Variants in DIP2C observed in about 807,000 individuals in gnomAD.
The protein encoded by DIP2C is DIP2 acetate--CoA ligase C (putative).
A neutral mutation model predicts 192.4 loss-of-function variants in DIP2C; 33 were observed. The observed-to-expected ratio is 0.17, with a 90% CI of 0.13 to 0.23. The LOEUF (loss-of-function observed/expected upper bound fraction) is 0.23. Ranked by LOEUF, DIP2C falls within the 10% of genes least tolerant of loss-of-function variation. The pLI is 1.00. For missense variants in DIP2C, 1,537 were observed against 2,110.1 expected (o/e 0.73, Z 5.32); for synonymous variants, 979 against 864.1 (o/e 1.13, Z -2.33).
At chr10:548,359 C>CCA (rs1848409215) in intron 1 of DIP2C, among the ~76,000 whole-genome samples, 1 of 151,444 alleles carries the variant, frequency 6.6e-6, no homozygotes, top group Non-Finnish European at 1.5e-5. Flanking sequence ...GCCCCGAGAC[C>CCA]CACTCAGGAG....
At chr10:517,002 G>A (rs1279189300) in intron 1 of DIP2C, among the ~76,000 whole-genome samples, 1 of 151,702 alleles carries the variant, frequency 6.6e-6, no homozygotes, top group African/African-American at 2.4e-5. Flanking sequence ...TACCAACTCA[G>A]GCCCATCAGG....
In DIP2C at chr10:484,829, G is replaced by A. The variant is rs1206348837; in HGVS notation, c.157+1630C>T. 12 of 1,611,038 alleles carry A rather than the reference G, an allele frequency of 7.4e-6. No homozygotes were observed. In the East Asian group the frequency reaches 1.3e-4, roughly 18 times the overall value. On this transcript the variant is annotated intron_variant, in intron 2 of 36. Coordinates refer to ENST00000280886, the MANE Select transcript of DIP2C (RefSeq NM_014974.3). ...CGGTTCCCTGCGGTGCTGGCCACCC[G>A]CTCCCGAGCCGCAGCTTCTCGGACG...
At chr10:477,676 A>G (rs1254203155) in intron 2 of DIP2C, among the ~76,000 whole-genome samples, 2 of 142,858 alleles carry the variant, frequency 1.4e-5, no homozygotes, top group Non-Finnish European at 3.1e-5. Flanking sequence ...AGTGGTGAAT[A>G]GATAGGAGGA....
chr10:319,272 TTGTG>T (rs1243509081), intron 31 of DIP2C, among the ~76,000 whole-genome samples: 1 of 152,210 alleles, frequency 6.6e-6, no homozygotes, highest in Non-Finnish European at 1.5e-5. Flanking sequence ...TTCTCTTTCA[TTGTG>T]TGAGTTTCAA....
chr10:590,866 C>T (rs1415511247), intron 1 of DIP2C, among the ~76,000 whole-genome samples: 1 of 152,196 alleles, frequency 6.6e-6, no homozygotes, highest in African/African-American at 2.4e-5. Context: ...CGCCTCCCTC[C>T]AGCAGGAGTC....
chr10:501,226 A>G (rs537232657), intron 1 of DIP2C, among the ~76,000 whole-genome samples: 2 of 152,340 alleles, frequency 1.3e-5, no homozygotes, highest in South Asian at 4.1e-4. Context: ...TTCACTAGCT[A>G]TTTAAATAAT....
At chr10:622,592 G>A (rs1204604116) in intron 1 of DIP2C, among the ~76,000 whole-genome samples, 1 of 152,160 alleles carries the variant, frequency 6.6e-6, no homozygotes, top group East Asian at 1.9e-4. Flanking sequence ...TCAGGGACCT[G>A]GACCTAAAGC....
In DIP2C at chr10:651,310, C is replaced by T. The variant is rs771493167; in HGVS notation, c.85+38184G>A. 4.2e-5 allele frequency: 30 copies of T among 707,650 alleles called. No individual in the cohort carries two copies. Among genetic ancestry groups the T allele is most frequent in the South Asian group, 3.1e-4 (21 of 67,116 alleles). 43.8% of individuals were successfully genotyped at this position (707,650 alleles called of 1,614,324 possible). ...GACTCCTTACAAGCAGAGCCACCAA[C>T]GTGGACACGATCCCATCAGGAACCA... On this transcript the variant is annotated intron_variant, in intron 1 of 36. Transcript: ENST00000280886. The surrounding 1 kb of genome is among the most constrained non-coding windows in gnomAD (Gnocchi z 4.1).
intron 32 of DIP2C, among the ~76,000 whole-genome samples, chr10:296,684 T>G (rs1589414177): frequency 6.6e-6 from 1 of 152,008 alleles, no homozygotes; most frequent in East Asian, 1.9e-4. Flanking sequence ...GTGGCACATA[T>G]ACACCATGGA....
chr10:539,546 T>C (rs1433522066), intron 1 of DIP2C, among the ~76,000 whole-genome samples: 1 of 152,150 alleles, frequency 6.6e-6, no homozygotes, highest in African/African-American at 2.4e-5. Context: ...CCCACCCCCA[T>C]GGGCACTGTG....
chr10:680,387 G>A (rs569203121), intron 1 of DIP2C, among the ~76,000 whole-genome samples: 29 of 152,252 alleles, frequency 1.9e-4, no homozygotes, highest in African/African-American at 5.1e-4. Flanking sequence ...TGGCAGGCTC[G>A]GCAGCTGCTC....
At chr10:603,544 G>C (rs1056662489) in intron 1 of DIP2C, among the ~76,000 whole-genome samples, 16 of 152,024 alleles carry the variant, frequency 1.1e-4, no homozygotes, top group Admixed American at 6.5e-4. Flanking sequence ...TACTGTGATC[G>C]AAATCTAACT....
intron 1 of DIP2C, chr10:667,472 C>T (rs1857165777): frequency 6.6e-6 from 1 of 152,408 alleles, no homozygotes; most frequent in Non-Finnish European, 1.5e-5. Context: ...AACGCACACA[C>T]TGACAACATG....
Position 348,658 on chromosome 10 carries a change from C to CG in DIP2C, c.3213dup (p.Val1072ArgfsTer21). ...CATGTTACCTCCACAATCATCTTGACGGTAGGCAACGTCGTCGCGATGTTC... is the reference window on the plus strand; with the variant it reads ...CATGTTACCTCCACAATCATCTTGACGGGTAGGCAACGTCGTCGCGATGTTC... On this transcript the variant is annotated frameshift_variant, in exon 26 of 37. Coordinates refer to ENST00000280886, the MANE Select transcript of DIP2C (RefSeq NM_014974.3). LOFTEE classifies it high-confidence loss of function. 6.2e-7 allele frequency: 1 copy of CG among 1,613,426 alleles called. No individual in the cohort carries two copies. The highest frequency in any genetic ancestry group is 8.5e-7 in the Non-Finnish European group (1 of 1,179,828).
chr10:372,029 CCAAAAACGTATGTTTTATTGTCTCAATCA>C (rs1178177358), intron 17 of DIP2C, among the ~76,000 whole-genome samples: 4 of 151,834 alleles, frequency 2.6e-5, no homozygotes, highest in Non-Finnish European at 5.9e-5. Flanking sequence ...ATCTCAGGGC[CCAAAAACGTATGTTTTATTGTCTCAATCA>C]CAAAAACCCC....
intron 1 of DIP2C, among the ~76,000 whole-genome samples, chr10:536,863 G>A (rs1847724002): frequency 1.3e-5 from 2 of 152,218 alleles, no homozygotes; most frequent in African/African-American, 4.8e-5. Context: ...TGACCCCCCA[G>A]TTCTGTGTTC....
chr10:396,832 G>GC (rs1191799781), intron 10 of DIP2C, among the ~76,000 whole-genome samples: 1 of 64,234 alleles, frequency 1.6e-5, no homozygotes, highest in Non-Finnish European at 4.6e-5. Context: ...CCGGTGGGGG[G>GC]GGGGGAAACT....
At chr10:340,769 G>A (rs758902506) in intron 29 of DIP2C, 24 of 457,690 alleles carry the variant, frequency 5.2e-5, no homozygotes, top group African/African-American at 8.0e-5. Context: ...CTCAGCCCTC[G>A]TGGACTCACC....
At position 440,959 on chromosome 10, in the gene DIP2C, T is replaced by G. The variant is rs1030674887; in HGVS notation, c.306A>C (p.Lys102Asn). The G allele has an allele frequency of 6.2e-7, 1 of 1,613,792 alleles. No homozygotes were observed. The highest frequency in any genetic ancestry group is 8.5e-7 in the Non-Finnish European group (1 of 1,180,020). Residue 102 changes from lysine to asparagine, a missense_variant, in exon 4 of 37, where the codon AAA (lysine) becomes AAC (asparagine). This residue lies in a region of DIP2C where 473 missense variants were observed against 539.6 expected (regional missense o/e 0.88). Transcript: ENST00000280886. ...HTEAVQAALAKHKERKMAVPM... is the reference protein window; with the variant it reads ...HTEAVQAALANHKERKMAVPM... ...GCACTGCCATCTTCCGCTCTTTGTG[T>G]TTGGCCAGAGCCGCCTGGACAGCTT...
Sources: gnomAD v4.1 joint callset for allele counts (sites outside exome capture counted in the v4.1 genomes callset) on GRCh38, gnomAD v4.1.1 for gene constraint, gnomAD v4.1.1 regional missense constraint, Gnocchi (gnomAD v3.1) non-coding constraint, MANE v1.5 for transcripts, NCBI Gene and HGNC (gene_info 2026-07-23, HGNC 2026-07-21) for gene names.